The following CERS1 variants were observed in gnomAD, a reference collection of about 807,000 sequenced individuals.
CERS1 encodes the protein Embryonic growth/differentiation factor 1.
Under a neutral mutation model 35.7 loss-of-function variants are expected in CERS1, and 16 were observed. The ratio of observed to expected loss-of-function variants is 0.45; its 90% CI spans 0.30 to 0.68. The LOEUF is 0.68. Among genes scored for constraint, CERS1 ranks in the 30% least tolerant of loss-of-function variants. The pLI is 0.08. For synonymous variants in CERS1, 243 were observed against 201.6 expected, an observed-to-expected ratio of 1.21 and a Z score of -1.74; for missense variants, 454 against 453.9, an observed-to-expected ratio of 1.00 and a Z score of 0.00.
chr19:18,868,650 C>G lies in CERS1; in HGVS notation c.*1335G>C, dbSNP rs1056201063. 3 of 1,575,592 alleles carry G rather than the reference C, an allele frequency of 1.9e-6. No individual in the cohort carries two copies. Among genetic ancestry groups the G allele is most frequent in the Non-Finnish European group, 2.6e-6 (3 of 1,160,640 alleles). On this transcript the variant is annotated 3_prime_UTR_variant, in exon 8 of 8. Transcript: ENST00000623882. ...ATGTCCTCATACTGCCGCAGCACCA[C>G]GTTGTCGCTGTTGTCAAAGAAGAGC...
Position 18,886,606 on chromosome 19 carries a change from T to A in CERS1, c.410-2339A>T, listed in dbSNP as rs568196693. ...AACAAAAAAAGGCGGGAAGCCATGCTGTGCTCTGCCCACACCAACCTGGAA... is the reference window on the plus strand; with the variant it reads ...AACAAAAAAAGGCGGGAAGCCATGCAGTGCTCTGCCCACACCAACCTGGAA... On this transcript the variant is annotated intron_variant, in intron 2 of 7. Coordinates refer to ENST00000623882, the MANE Select transcript of CERS1 (RefSeq NM_021267.5). Among the ~76,000 whole-genome samples, 4 of 152,270 alleles carry A rather than the reference T, an allele frequency of 2.6e-5. No individual in the cohort carries two copies. In the East Asian group the frequency reaches 7.7e-4, roughly 29 times the overall value.
Position 18,870,626 on chromosome 19 carries a change from G to A in CERS1, c.1011-7C>T. The A allele has an allele frequency of 1.8e-6, 1 of 569,854 alleles. No individual in the cohort carries two copies. Among genetic ancestry groups the A allele is most frequent in the Non-Finnish European group, 3.2e-6 (1 of 314,960 alleles). The allele number at this position is 569,854 out of a possible 1,614,324, so 35.3% of individuals were successfully genotyped here. On this transcript the variant is annotated splice_region_variant and splice_polypyrimidine_tract_variant and intron_variant, in intron 6 of 7. Coordinates refer to ENST00000623882, the MANE Select transcript of CERS1 (RefSeq NM_021267.5). The surrounding 1 kb of genome is among the most constrained non-coding windows in gnomAD (Gnocchi z 5.1). The stretch of plus-strand genomic sequence containing the variant: ...GCCGTTCCTCAGTGGCTTCCTGGGG[G>A]TCAGAACCGGCGCAGGTTAGCCTGG...
chr19:18,891,079 G>A lies in CERS1; in HGVS notation c.409+2337C>T, dbSNP rs149109810. On this transcript the variant is annotated intron_variant, in intron 2 of 7. Transcript: ENST00000623882. ...GTGGAGATTGCAGTGAGCCGAGATC[G>A]TGCCATTGCACTCCAGACTGGGTGA... 2.1e-3 allele frequency among the ~76,000 whole-genome samples: 321 copies of A among 151,700 alleles called. 2 individuals carry two copies. Among genetic ancestry groups the A allele is most frequent in the African/African-American group, 7.4e-3 (306 of 41,344 alleles).
At chr19:18,887,103 C>G (rs577404389) in intron 2 of CERS1, among the ~76,000 whole-genome samples, 4 of 152,172 alleles carry the variant, frequency 2.6e-5, no homozygotes, top group Non-Finnish European at 4.4e-5. Context: ...AGACACAACC[C>G]GAATGTGCAT....
At chr19:18,889,064 G>A (rs955248543) in intron 2 of CERS1, among the ~76,000 whole-genome samples, 2 of 151,458 alleles carry the variant, frequency 1.3e-5, no homozygotes, top group Non-Finnish European at 2.9e-5. Context: ...GCTAATTTTT[G>A]TATTTTTAGT....
At chr19:18,891,068 G>A (rs996857888) in intron 2 of CERS1, among the ~76,000 whole-genome samples, 1 of 151,614 alleles carries the variant, frequency 6.6e-6, no homozygotes, top group African/African-American at 2.4e-5. Context: ...AGATTGCAGT[G>A]AGCCGAGATC....
Position 18,878,074 on chromosome 19 carries a change from C to T in CERS1, c.1010+856G>A. ...TCGCACCTCCCGTTCCAAAAAACGT[C>T]ACGGAGCTCTGAGCCACTGCTTCCC... On this transcript the variant is annotated intron_variant, in intron 6 of 7. Transcript: ENST00000623882. The surrounding 1 kb of genome is among the most constrained non-coding windows in gnomAD (Gnocchi z 4.6). 1.0e-6 allele frequency: 1 copy of T among 985,546 alleles called. No homozygotes were observed. Among genetic ancestry groups the T allele is most frequent in the South Asian group, 4.7e-5 (1 of 21,284 alleles). The allele number at this position is 985,546 out of a possible 1,614,324, so 61.1% of individuals were successfully genotyped here.
chr19:18,895,767 C>T lies in CERS1; in HGVS notation c.249+57G>A. On this transcript the variant is annotated intron_variant, in intron 1 of 7. Coordinates refer to ENST00000623882, the MANE Select transcript of CERS1 (RefSeq NM_021267.5). The surrounding 1 kb of genome is among the most constrained non-coding windows in gnomAD (Gnocchi z 6.4). The stretch of plus-strand genomic sequence containing the variant: ...GAACGCGCCGGCGGCCCCAGGTCCC[C>T]GGTCCCGGCTTCCCCCAGTCCGGGG... The T allele has an allele frequency of 9.9e-7, 1 of 1,010,648 alleles. No homozygotes were observed. The highest frequency in any genetic ancestry group is 1.2e-6 in the Non-Finnish European group (1 of 804,678). The allele number at this position is 1,010,648 out of a possible 1,614,324, so 62.6% of individuals were successfully genotyped here. A position where few individuals can be genotyped will look rare whatever the true frequency, so the allele number is the denominator to read the frequency against.
Position 18,894,129 on chromosome 19 carries a change from T to G in CERS1, c.250-554A>C, listed in dbSNP as rs553748227. ...GGGGCGATGAAAGGGGAGGAGGGGC[T>G]GGAGGCAGAAAAAGGGGACAGGAGG... On this transcript the variant is annotated intron_variant, in intron 1 of 7. Transcript: ENST00000623882. Among the ~76,000 whole-genome samples, 20 of 148,644 alleles carry G rather than the reference T, an allele frequency of 1.3e-4. 1 individual carries two copies. In the South Asian group the frequency reaches 3.9e-3, roughly 29 times the overall value.
At chr19:18,884,874 C>A (rs544705786) in intron 2 of CERS1, among the ~76,000 whole-genome samples, 3 of 151,506 alleles carry the variant, frequency 2.0e-5, no homozygotes, top group African/African-American at 7.3e-5. Context: ...ACACCATGCC[C>A]GGCTAATTTT....
intron 7 of CERS1, 133 bp downstream of exon 7, chr19:18,869,850 C>T (rs2055932236): frequency 4.7e-6 from 4 of 846,606 alleles, no homozygotes; most frequent in Admixed American, 2.1e-5. Context: ...GTGCGGTGGC[C>T]GAAGTTGCTA....
intron 6 of CERS1, among the ~76,000 whole-genome samples, chr19:18,871,525 G>GCTAA (rs1421548554): frequency 2.6e-5 from 4 of 152,114 alleles, no homozygotes; most frequent in African/African-American, 9.7e-5. Context: ...CCTGGCCCCA[G>GCTAA]CTAACTTTTT....
intron 6 of CERS1, among the ~76,000 whole-genome samples, chr19:18,874,289 G>A (rs1038091136): frequency 1.3e-5 from 2 of 152,184 alleles, no homozygotes; most frequent in Admixed American, 1.3e-4. Flanking sequence ...AGATGTAGGT[G>A]CTGAAGTTCA....
chr19:18,873,975 C>G (rs1225922365), intron 6 of CERS1, among the ~76,000 whole-genome samples: 1 of 151,766 alleles, frequency 6.6e-6, no homozygotes, highest in Non-Finnish European at 1.5e-5. Flanking sequence ...TTGAGGAGGA[C>G]CCAGGAGGAT....
chr19:18,880,366 C>A lies in CERS1; in HGVS notation c.660G>T (p.Lys220Asn). 1 of 1,573,290 alleles carries A rather than the reference C, an allele frequency of 6.4e-7. No individual in the cohort carries two copies. Among genetic ancestry groups the A allele is most frequent in the Non-Finnish European group, 8.6e-7 (1 of 1,159,362 alleles). Residue 220 changes from lysine to asparagine, a missense_variant, in exon 4 of 8, where the codon AAG becomes AAT. Physicochemically the swap from Lys to Asn is moderately conservative, Grantham distance 94. Transcript: ENST00000623882. Reference protein sequence around the residue: ...DISDVQLEFTKLNIYFKSRGG... With the variant: ...DISDVQLEFTNLNIYFKSRGG... ...CGCGGGACTTGAAGTAAATGTTGAG[C>A]TTGGTGAACTCAAGCTGCACGTCAC... is the stretch of plus-strand genomic sequence containing the variant.
At position 18,869,013 on chromosome 19, in the gene CERS1, G is replaced by A. The variant is rs2055908203; in HGVS notation, c.*972C>T. 9.2e-7 allele frequency: 1 copy of A among 1,092,312 alleles called. No homozygotes were observed. 67.7% of individuals were successfully genotyped at this position (1,092,312 alleles called of 1,614,324 possible). A position where few individuals can be genotyped will look rare whatever the true frequency, so the allele number is the denominator to read the frequency against. Reference sequence around the variant, plus strand: ...CGCGGGTCGAGGGTCACCAGCAGCAGCGAGGCCTCGGCCAGGCGCGCGCAG... The same window carrying A: ...CGCGGGTCGAGGGTCACCAGCAGCAACGAGGCCTCGGCCAGGCGCGCGCAG... On this transcript the variant is annotated 3_prime_UTR_variant, in exon 8 of 8. Coordinates refer to ENST00000623882, the MANE Select transcript of CERS1 (RefSeq NM_021267.5).
chr19:18,869,085 G>A lies in CERS1; in HGVS notation c.*900C>T, dbSNP rs1382522321. 1.9e-6 allele frequency: 2 copies of A among 1,064,360 alleles called. No homozygotes were observed. The highest frequency in any genetic ancestry group is 2.3e-6 in the Non-Finnish European group (2 of 881,138). 65.9% of individuals were successfully genotyped at this position (1,064,360 alleles called of 1,614,324 possible). On this transcript the variant is annotated 3_prime_UTR_variant, in exon 8 of 8. Transcript: ENST00000623882. ...AGCGCCAGCGCCAGGCGGAGGCTGC[G>A]CGGCCATGAGGCGTTGCGAGCCCAA...
intron 2 of CERS1, among the ~76,000 whole-genome samples, chr19:18,886,538 C>T (rs1283356040): frequency 6.6e-6 from 1 of 152,034 alleles, no homozygotes; most frequent in Non-Finnish European, 1.5e-5. Context: ...CTGGGAGACA[C>T]AGCCAGACCC....
At chr19:18,882,498 G>A (rs908827316) in intron 3 of CERS1, among the ~76,000 whole-genome samples, 1 of 151,484 alleles carries the variant, frequency 6.6e-6, no homozygotes, top group Non-Finnish European at 1.5e-5. Flanking sequence ...CCGGTGTGAT[G>A]TCATACCCCT....
Sources: allele counts gnomAD v4.1 joint callset (sites outside exome capture counted in the v4.1 genomes callset), GRCh38; gene constraint gnomAD v4.1.1; non-coding constraint Gnocchi (gnomAD v3.1); transcripts MANE v1.5; gene names NCBI Gene and HGNC (gene_info 2026-07-23, HGNC 2026-07-21).